Variants in ADRA1B observed in about 807,000 individuals in gnomAD.
The protein encoded by ADRA1B is adrenoceptor alpha 1B, also known as alpha-1B adrenergic receptor.
In ADRA1B, 17 loss-of-function variants were observed where a neutral mutation model predicts 17.9. The ratio of observed to expected loss-of-function variants is 0.95; its 90% CI spans 0.65 to 1.42. The LOEUF (loss-of-function observed/expected upper bound fraction) is 1.42, where lower values mean the gene tolerates loss of function less well. Ranked by LOEUF, ADRA1B falls within the 40% of genes most tolerant of loss-of-function variation. The probability of loss-of-function intolerance (pLI) is 0.00; values close to 1 mark genes in which losing one functional copy is unlikely to be tolerated. For synonymous variants in ADRA1B, 366 were observed against 327.6 expected, an observed-to-expected ratio of 1.12 and a Z score of -1.27; for missense variants, 681 against 722.1, an observed-to-expected ratio of 0.94 and a Z score of 0.65.
chr5:159,914,106 C>T (rs752267), upstream of ADRA1B, among the ~76,000 whole-genome samples: 17,173 of 152,162 alleles, frequency 0.11, 1,335 homozygotes, highest in East Asian at 0.25. Flanking sequence ...CAGGTGCCTT[C>T]GGGGGCCACT....
At chr5:159,958,255 C>G (rs940634048) in intron 1 of ADRA1B, among the ~76,000 whole-genome samples, 3 of 152,136 alleles carry the variant, frequency 2.0e-5, no homozygotes, top group African/African-American at 7.2e-5. Context: ...AAAGATCCAG[C>G]CTTATTTCTT....
In ADRA1B at chr5:159,972,064, C is replaced by T; in HGVS notation, c.1135C>T (p.Arg379Cys). ...GRGRRRRRRR[R>C]RLGGCAYTYR... The stretch of plus-strand genomic sequence containing the variant: ...CGGCCGCCGCCGACGCCGCCGCCGC[C>T]GTCGCCTGGGCGGCTGCGCCTACAC... Residue 379 changes from arginine (R) to cysteine (C), a missense_variant, in exon 2 of 2, where the codon CGT becomes TGT. Around this residue, in one of 3 missense-constraint regions of ADRA1B, gnomAD observed 251 missense variants for 224.9 expected, o/e 1.12. Transcript: ENST00000306675. The T allele has an allele frequency of 9.9e-6, 13 of 1,310,530 alleles. No homozygotes were observed. The highest frequency in any genetic ancestry group is 1.6e-5 in the African/African-American group (1 of 63,918). The allele number at this position is 1,310,530 out of a possible 1,614,324, so 81.2% of individuals were successfully genotyped here. A position where few individuals can be genotyped will look rare whatever the true frequency, so the allele number is the denominator to read the frequency against.
chr5:159,867,900 G>A (rs1169422963), intron 1 of ADRA1B: 2 of 152,120 alleles, frequency 1.3e-5, no homozygotes, highest in Admixed American at 6.5e-5. Context: ...TTCACCACAA[G>A]TGTGGTCTCA....
intron 1 of ADRA1B, chr5:159,955,269 A>G (rs1469967972): frequency 1.1e-6 from 1 of 891,008 alleles, no homozygotes; most frequent in Non-Finnish European, 1.3e-6. Flanking sequence ...TCAGGGAGGA[A>G]TGTGTGCCAG....
chr5:159,879,116 G>A (rs961743645), intron 1 of ADRA1B, among the ~76,000 whole-genome samples: 2 of 152,086 alleles, frequency 1.3e-5, no homozygotes, highest in African/African-American at 2.4e-5. Context: ...TGGGACCAAC[G>A]GATTAGACTG....
chr5:159,892,294 T>G (rs1753991081), intron 1 of ADRA1B, among the ~76,000 whole-genome samples: 1 of 152,176 alleles, frequency 6.6e-6, no homozygotes, highest in African/African-American at 2.4e-5. Flanking sequence ...CACTGAACAT[T>G]TTTATGAGCA....
intron 1 of ADRA1B, among the ~76,000 whole-genome samples, chr5:159,898,247 C>A (rs1378053824): frequency 2.0e-5 from 3 of 152,250 alleles, no homozygotes; most frequent in Non-Finnish European, 4.4e-5. Flanking sequence ...GCTGCCCCCA[C>A]AACCCTGCAT....
At chr5:159,911,178 G>C (rs1352821560) in intron 1 of ADRA1B, among the ~76,000 whole-genome samples, 1 of 152,190 alleles carries the variant, frequency 6.6e-6, no homozygotes, top group Non-Finnish European at 1.5e-5. Flanking sequence ...AGGCACCATA[G>C]ATTTTTGGGC....
chr5:159,905,097 G>C (rs1019558473), intron 1 of ADRA1B, among the ~76,000 whole-genome samples: 3 of 152,218 alleles, frequency 2.0e-5, no homozygotes, highest in Non-Finnish European at 4.4e-5. Flanking sequence ...TAGGAAATAG[G>C]ACATTGGTAG....
Position 159,954,139 on chromosome 5 carries a change from C to A in ADRA1B, c.950-17740C>A, listed in dbSNP as rs113614485. Among the ~76,000 whole-genome samples the A allele has an allele frequency of 2.8e-3, 434 of 152,296 alleles. 3 individuals are homozygous for A. The highest frequency in any genetic ancestry group is 0.01 in the African/African-American group (421 of 41,552). Reference sequence around the variant, plus strand: ...TGGACAAGGAGGGGGTCAGCGAGATCCGCATCAATAGTTCTCCTCCATGCT... The same window carrying A: ...TGGACAAGGAGGGGGTCAGCGAGATACGCATCAATAGTTCTCCTCCATGCT... On this transcript the variant is annotated intron_variant, in intron 1 of 1. Coordinates refer to ENST00000306675, the MANE Select transcript of ADRA1B (RefSeq NM_000679.4).
chr5:159,950,764 G>A, intron 1 of ADRA1B: 1 of 628,138 alleles, frequency 1.6e-6, no homozygotes, highest in South Asian at 1.8e-5. Flanking sequence ...GAGACGGCAG[G>A]TGAGGTCCAT....
At chr5:159,874,972 G>T (rs1484180243) in intron 1 of ADRA1B, among the ~76,000 whole-genome samples, 1 of 152,132 alleles carries the variant, frequency 6.6e-6, no homozygotes, top group Non-Finnish European at 1.5e-5. Context: ...GAGAATTCGT[G>T]CTCCTAGACA....
intron 1 of ADRA1B, among the ~76,000 whole-genome samples, chr5:159,920,420 C>T (rs1047218692): frequency 6.6e-6 from 1 of 152,124 alleles, no homozygotes; most frequent in Non-Finnish European, 1.5e-5. Flanking sequence ...AGACTTTGTC[C>T]CCCTAGCATC....
intron 1 of ADRA1B, chr5:159,951,299 A>C: frequency 3.8e-6 from 5 of 1,332,570 alleles, no homozygotes; most frequent in Non-Finnish European, 5.3e-6. Flanking sequence ...CATTGATGAC[A>C]AGCTTCCCTT....
intron 1 of ADRA1B, among the ~76,000 whole-genome samples, chr5:159,900,938 A>G (rs1291530771): frequency 6.6e-6 from 1 of 152,256 alleles, no homozygotes; most frequent in Non-Finnish European, 1.5e-5. Flanking sequence ...TTTGAGAAGA[A>G]TAATGAAAGA....
intron 1 of ADRA1B, chr5:159,868,342 G>T (rs1336612358): frequency 1.3e-5 from 2 of 152,188 alleles, no homozygotes; most frequent in Non-Finnish European, 2.9e-5. Context: ...TTCCTATGGG[G>T]AAATATGGGA....
intron 1 of ADRA1B, among the ~76,000 whole-genome samples, chr5:159,946,140 C>T (rs1378995485): frequency 6.6e-6 from 1 of 152,142 alleles, no homozygotes; most frequent in Non-Finnish European, 1.5e-5. Context: ...GAGGCTGAGG[C>T]CGTGGTCCAG....
chr5:159,902,898 G>A (rs1187464079), intron 1 of ADRA1B, among the ~76,000 whole-genome samples: 2 of 152,174 alleles, frequency 1.3e-5, no homozygotes, highest in Non-Finnish European at 2.9e-5. Context: ...CTATGCCTCT[G>A]GCGTGTGTCT....
rs142414324 is a variant in ADRA1B at position 159,898,928 on chromosome 5, G to A, written c.-255-17191G>A. The stretch of plus-strand genomic sequence containing the variant: ...AGAGGCAGAGGCAGGAGGATAACTT[G>A]AGCCTAGAAATTGAAGACCTGCCTG... On this transcript the variant is annotated intron_variant, in intron 1 of 2. Transcript: ENST00000641205. 5.7e-3 allele frequency among the ~76,000 whole-genome samples: 873 copies of A among 152,268 alleles called. 11 individuals carry two copies. Among genetic ancestry groups the A allele is most frequent in the African/African-American group, 0.02 (824 of 41,558 alleles).
Sources: allele counts gnomAD v4.1 joint callset (sites outside exome capture counted in the v4.1 genomes callset), GRCh38; gene constraint gnomAD v4.1.1; regional missense constraint gnomAD v4.1.1; transcripts MANE v1.5; gene names NCBI Gene and HGNC (gene_info 2026-07-23, HGNC 2026-07-21).